VTI1A: variants seen among roughly 807,000 people sequenced by gnomAD.
The protein encoded by VTI1A is vesicle transport through interaction with t-SNAREs homolog 1A.
In VTI1A, 22 loss-of-function variants were observed where a neutral mutation model predicts 34.9. That is an observed-to-expected ratio of 0.63 (90% CI 0.45 to 0.90). VTI1A has a LOEUF of 0.90. Ranked by LOEUF, VTI1A falls within the 40% of genes least tolerant of loss-of-function variation. The pLI is 0.00. For synonymous variants in VTI1A, 87 were observed against 97.3 expected, an observed-to-expected ratio of 0.89 and a Z score of 0.62; for missense variants, 268 against 275.6, an observed-to-expected ratio of 0.97 and a Z score of 0.20.
chr10:112,850,358 GAAAAAA>G, the VTI1A span, among the ~76,000 whole-genome samples: 1 of 143,798 alleles, frequency 7.0e-6, no homozygotes, highest in East Asian at 2.0e-4. Flanking sequence ...ACCTTTAAAG[GAAAAAA>G]AAAAAAAGAA....
chr10:112,689,358 G>A (rs145814543), intron 7 of VTI1A, among the ~76,000 whole-genome samples: 93 of 152,308 alleles, frequency 6.1e-4, no homozygotes, highest in African/African-American at 2.2e-3. Context: ...TGTTAACCAA[G>A]TGTAATGTGT....
intron 7 of VTI1A, among the ~76,000 whole-genome samples, chr10:112,734,935 A>G (rs1041717168): frequency 6.6e-6 from 1 of 152,124 alleles, no homozygotes; most frequent in African/African-American, 2.4e-5. Context: ...CCCAGCCCTC[A>G]ATAAATATTT....
At position 112,548,562 on chromosome 10, in the gene VTI1A, C is replaced by T. The variant is rs906447311; in HGVS notation, c.427+10232C>T. 5 of 766,478 alleles carry T rather than the reference C, an allele frequency of 6.5e-6. No individual in the cohort carries two copies. The African/African-American group carries it at 8.6e-5, about 13-fold the overall frequency. The allele number at this position is 766,478 out of a possible 1,614,324, so 47.5% of individuals were successfully genotyped here. On this transcript the variant is annotated intron_variant, in intron 5 of 7. Transcript: ENST00000393077. ...TGAAACAAACAGTTCTGAGACCATT[C>T]TTCCACCACTGATTAAGACCAGGGT... is the stretch of plus-strand genomic sequence containing the variant.
At chr10:112,719,792 C>T (rs542635402) in intron 7 of VTI1A, among the ~76,000 whole-genome samples, 10 of 152,120 alleles carry the variant, frequency 6.6e-5, no homozygotes, top group Non-Finnish European at 8.8e-5. Context: ...GTGATCTGCC[C>T]GTCTCAGCCT....
chr10:112,640,874 C>T lies in VTI1A; in HGVS notation c.428-27344C>T, dbSNP rs543375123. Among the ~76,000 whole-genome samples the T allele has an allele frequency of 3.8e-4, 58 of 152,220 alleles. 1 individual carries two copies. The highest frequency in any genetic ancestry group is 1.2e-3 in the African/African-American group (50 of 41,534). On this transcript the variant is annotated intron_variant, in intron 5 of 7. Transcript: ENST00000393077. ...GGCTCAGTCCAGAAACAGATCTTGG[C>T]GTCATTCATTGTCTGGGCTCCAGAA...
In VTI1A at chr10:112,767,946, C is replaced by CGGACACGTATTACTTCCCT. The variant is rs1851693738; in HGVS notation, c.561-47326_561-47325insTGGACACGTATTACTTCCC. Among the ~76,000 whole-genome samples the CGGACACGTATTACTTCCCT allele has an allele frequency of 6.6e-6, 1 of 152,214 alleles. No individual in the cohort carries two copies. Among genetic ancestry groups the CGGACACGTATTACTTCCCT allele is most frequent in the Admixed American group, 6.5e-5 (1 of 15,298 alleles). On this transcript the variant is annotated intron_variant, in intron 7 of 7. Transcript: ENST00000393077. The surrounding 1 kb of genome is among the most constrained non-coding windows in gnomAD (Gnocchi z 4.0). ...CCAGAGGCACTAGTGTCACAGAAGC[C>CGGACACGTATTACTTCCCT]GGACACGTATTACTTCCCCCTTGGA...
intron 3 of VTI1A, among the ~76,000 whole-genome samples, chr10:112,513,151 A>G (rs575422982): frequency 6.6e-6 from 1 of 152,082 alleles, no homozygotes; most frequent in South Asian, 2.1e-4. Flanking sequence ...TCACAGTATT[A>G]ATTCTTCTAG....
chr10:112,782,358 G>A (rs183830041), intron 7 of VTI1A, among the ~76,000 whole-genome samples: 1 of 152,396 alleles, frequency 6.6e-6, no homozygotes, highest in South Asian at 2.1e-4. Context: ...TTGCAATGAC[G>A]CTTGGATCAG....
chr10:112,643,294 G>A (rs1055123602), intron 5 of VTI1A, among the ~76,000 whole-genome samples: 12 of 150,786 alleles, frequency 8.0e-5, no homozygotes, highest in African/African-American at 2.9e-4. Flanking sequence ...CCACAGTGTC[G>A]GGCCTCTCTG....
At chr10:112,641,045 G>A (rs1005635124) in intron 5 of VTI1A, among the ~76,000 whole-genome samples, 1 of 151,616 alleles carries the variant, frequency 6.6e-6, no homozygotes, top group African/African-American at 2.4e-5. Context: ...GTTGTCTTGT[G>A]ACTATTACAG....
chr10:112,452,511 T>A (rs1213086619), intron 1 of VTI1A, among the ~76,000 whole-genome samples: 2 of 148,422 alleles, frequency 1.3e-5, no homozygotes, highest in Non-Finnish European at 3.0e-5. Context: ...GAGGTTGCAG[T>A]GAGCCAAGAT....
intron 7 of VTI1A, among the ~76,000 whole-genome samples, chr10:112,766,093 AAGG>A: frequency 6.6e-6 from 1 of 152,322 alleles, no homozygotes; most frequent in Middle Eastern, 3.4e-3. Context: ...AAGCAAGAGA[AAGG>A]AGAGAGTGGT....
chr10:112,468,682 C>T (rs964274242), intron 3 of VTI1A, among the ~76,000 whole-genome samples: 4 of 152,144 alleles, frequency 2.6e-5, no homozygotes, highest in Admixed American at 6.5e-5. Context: ...GTACTTACTC[C>T]CATAACCTCC....
chr10:112,604,100 T>TA (rs1844982892), intron 5 of VTI1A, among the ~76,000 whole-genome samples: 1 of 152,128 alleles, frequency 6.6e-6, no homozygotes, highest in Non-Finnish European at 1.5e-5. Flanking sequence ...AGTGACCCAG[T>TA]AGACAGTGGA....
At chr10:112,711,789 C>T (rs1239194874) in intron 7 of VTI1A, among the ~76,000 whole-genome samples, 1 of 152,206 alleles carries the variant, frequency 6.6e-6, no homozygotes. Context: ...AGAAAATGAA[C>T]TCTCTAACCA....
Position 112,470,748 on chromosome 10 carries a change from C to T in VTI1A, c.264+6091C>T, listed in dbSNP as rs545794338. The stretch of plus-strand genomic sequence containing the variant: ...CTCTACTAAAATTGCAAAAATTAGC[C>T]GGGCATGGTGGCGCACACTTGTAAT... On this transcript the variant is annotated intron_variant, in intron 3 of 7. Coordinates refer to ENST00000393077, the MANE Select transcript of VTI1A (RefSeq NM_145206.4). 5.9e-5 allele frequency among the ~76,000 whole-genome samples: 9 copies of T among 152,088 alleles called. No individual in the cohort carries two copies. The South Asian group carries it at 1.0e-3, about 18-fold the overall frequency.
intron 7 of VTI1A, among the ~76,000 whole-genome samples, chr10:112,805,179 C>A (rs1010482383): frequency 6.6e-6 from 1 of 152,020 alleles, no homozygotes; most frequent in Admixed American, 6.6e-5. Flanking sequence ...TAGCTTTTGG[C>A]TTTTAGATCA....
the VTI1A span, among the ~76,000 whole-genome samples, chr10:112,828,356 T>C: frequency 6.6e-6 from 1 of 152,114 alleles, no homozygotes; most frequent in Non-Finnish European, 1.5e-5. Flanking sequence ...AGAAAGATAT[T>C]TATTTCTCCA....
chr10:112,627,841 G>C (rs1407606493), intron 5 of VTI1A, among the ~76,000 whole-genome samples: 1 of 152,024 alleles, frequency 6.6e-6, no homozygotes, highest in Non-Finnish European at 1.5e-5. Flanking sequence ...GATATAAAAT[G>C]TGGTAATGAT....
Sources: gnomAD v4.1 joint callset for allele counts (sites outside exome capture counted in the v4.1 genomes callset) on GRCh38, gnomAD v4.1.1 for gene constraint, Gnocchi (gnomAD v3.1) non-coding constraint, MANE v1.5 for transcripts, NCBI Gene and HGNC (gene_info 2026-07-23, HGNC 2026-07-21) for gene names.